Variants in DOCK8 observed in about 807,000 individuals in gnomAD.
DOCK8 encodes dedicator of cytokinesis 8.
DOCK8 carries 141 observed loss-of-function variants against 245.6 expected under a neutral mutation model. The observed-to-expected ratio is 0.57, with a 90% CI of 0.50 to 0.66. DOCK8 has a LOEUF of 0.66. Among genes scored for constraint, DOCK8 ranks in the 30% least tolerant of loss-of-function variants. The pLI is 0.00. For missense variants in DOCK8, 2,965 were observed against 2,603.4 expected (o/e 1.14, Z -3.02); for synonymous variants, 1,168 against 970.2 (o/e 1.20, Z -3.79).
At chr9:214,854 C>G, upstream of DOCK8, 2 of 1,602,508 alleles carry the variant, frequency 1.2e-6, no homozygotes, top group Non-Finnish European at 1.7e-6. Flanking sequence ...CGGAAGTTTC[C>G]AGCGCCGACC....
rs1413860495 is a variant in DOCK8, at chr9:312,221, G to T, written c.741+55G>T. On this transcript the variant is annotated intron_variant, in intron 6 of 47. Coordinates refer to ENST00000432829, the MANE Select transcript of DOCK8 (RefSeq NM_203447.4). The stretch of plus-strand genomic sequence containing the variant: ...TCTCAGTGAAGACTCTGAGAGTCAT[G>T]TGGACAATTGTGTTGTTCATTATTA... 2.5e-6 allele frequency: 4 copies of T among 1,578,984 alleles called. No homozygotes were observed. The Admixed American group carries it at 5.2e-5, about 21-fold the overall frequency.
intron 36 of DOCK8, among the ~76,000 whole-genome samples, chr9:430,181 C>A (rs2056657520): frequency 6.6e-6 from 1 of 152,122 alleles, no homozygotes; most frequent in South Asian, 2.1e-4. Flanking sequence ...TCAAGACTAG[C>A]CTGGCCAGCA....
At chr9:234,605 C>G (rs1412635187) in intron 1 of DOCK8, among the ~76,000 whole-genome samples, 3 of 152,130 alleles carry the variant, frequency 2.0e-5, no homozygotes, top group African/African-American at 4.8e-5. Flanking sequence ...GCTTTTTATT[C>G]TTTTTTCTGT....
intron 28 of DOCK8, among the ~76,000 whole-genome samples, chr9:413,247 A>G (rs1222927420): frequency 6.6e-6 from 1 of 152,218 alleles, no homozygotes; most frequent in Non-Finnish European, 1.5e-5. Context: ...CACTGTATAC[A>G]AAAACTAACT....
intron 39 of DOCK8, 113 bp downstream of exon 39, chr9:435,088 T>C: frequency 7.9e-7 from 1 of 1,259,186 alleles, no homozygotes; most frequent in East Asian, 2.5e-5. Context: ...TTATCACAAC[T>C]GGGATGGGTG....
At chr9:234,919 G>C (rs2047210268) in intron 1 of DOCK8, among the ~76,000 whole-genome samples, 1 of 152,130 alleles carries the variant, frequency 6.6e-6, no homozygotes, top group Non-Finnish European at 1.5e-5. Context: ...TCTCCATCCA[G>C]CTTTGTTCCA....
intron 30 of DOCK8, among the ~76,000 whole-genome samples, chr9:419,234 T>C (rs2056172756): frequency 6.6e-6 from 1 of 152,262 alleles, no homozygotes; most frequent in African/African-American, 2.4e-5. Flanking sequence ...TCTTGCTGGA[T>C]GACTTTCTTG....
At chr9:283,931 G>A (rs2048703031) in intron 2 of DOCK8, among the ~76,000 whole-genome samples, 1 of 152,132 alleles carries the variant, frequency 6.6e-6, no homozygotes, top group Non-Finnish European at 1.5e-5. Flanking sequence ...AACACCAATT[G>A]AACTCAATTT....
At chr9:214,767 C>A (rs752811694), upstream of DOCK8, 4 of 1,537,446 alleles carry the variant, frequency 2.6e-6, no homozygotes, top group East Asian at 7.8e-5. Context: ...CGCGCCAGGC[C>A]GGGTGGCGGA....
chr9:373,974 G>T (rs924371216), intron 18 of DOCK8, among the ~76,000 whole-genome samples: 2 of 152,154 alleles, frequency 1.3e-5, no homozygotes, highest in African/African-American at 4.8e-5. Context: ...AGACAAATCT[G>T]TGTCCAAAGT....
upstream of DOCK8, chr9:213,895 T>C (rs1274714497): frequency 6.6e-6 from 1 of 151,696 alleles, no homozygotes; most frequent in African/African-American, 2.4e-5. Context: ...GCCCGGCTAA[T>C]TTTTTGTATT....
chr9:231,100 A>C (rs959543341), intron 1 of DOCK8, among the ~76,000 whole-genome samples: 2 of 152,202 alleles, frequency 1.3e-5, no homozygotes, highest in East Asian at 3.8e-4. Context: ...GAAGGGATCC[A>C]GTTTCAGCTT....
intron 18 of DOCK8, among the ~76,000 whole-genome samples, chr9:375,329 ACTGT>A (rs1419555934): frequency 1.3e-5 from 2 of 152,214 alleles, no homozygotes; most frequent in Admixed American, 1.3e-4. Context: ...AAGGCAAGAA[ACTGT>A]CTGTAAGACC....
intron 12 of DOCK8, 117 bp downstream of exon 12, chr9:336,835 T>C (rs1208779989): frequency 2.4e-6 from 3 of 1,231,332 alleles, no homozygotes; most frequent in South Asian, 1.2e-5. Flanking sequence ...CTCACTCTCT[T>C]AGTTCATTTT....
At chr9:228,422 C>T (rs539210428) in intron 1 of DOCK8, among the ~76,000 whole-genome samples, 120 of 152,260 alleles carry the variant, frequency 7.9e-4, no homozygotes, top group African/African-American at 2.8e-3. Context: ...CACTGACATA[C>T]TACCTTTCAG....
At chr9:350,691 C>A (rs1053665906) in intron 14 of DOCK8, among the ~76,000 whole-genome samples, 1 of 152,120 alleles carries the variant, frequency 6.6e-6, no homozygotes, top group Non-Finnish European at 1.5e-5. Flanking sequence ...CCTCACTTTG[C>A]GGATAAGCAG....
At position 368,099 on chromosome 9, in the gene DOCK8, G is replaced by T. The variant is rs1219614727; in HGVS notation, c.1761G>T (p.Gln587His). The change falls in exon 15 of 48, where the codon CAG becomes CAT. Residue 587 changes from glutamine to histidine, a missense_variant. Gln to His is a conservative substitution (Grantham distance 24). Coordinates refer to ENST00000432829, the MANE Select transcript of DOCK8 (RefSeq NM_203447.4). ...CCCGGAACATTACAATAAAGATCCA[G>T]TTTATGTGTGGAGAAGATGCTAGCA... is the stretch of plus-strand genomic sequence containing the variant. The part of the protein sequence containing the change: ...ASARNITIKI[Q>H]FMCGEDASNA... 1 of 1,614,080 alleles carries T rather than the reference G, an allele frequency of 6.2e-7. No individual in the cohort carries two copies. The highest frequency in any genetic ancestry group is 8.5e-7 in the Non-Finnish European group (1 of 1,180,030).
At chr9:461,706 T>G (rs2057811686) in intron 46 of DOCK8, among the ~76,000 whole-genome samples, 1 of 151,800 alleles carries the variant, frequency 6.6e-6, no homozygotes, top group South Asian at 2.1e-4. Context: ...CATACCCAGC[T>G]AATTTTTATA....
chr9:385,485 A>T (rs911358258), intron 22 of DOCK8, among the ~76,000 whole-genome samples: 1 of 152,216 alleles, frequency 6.6e-6, no homozygotes, highest in Non-Finnish European at 1.5e-5. Context: ...CTTCCTAATA[A>T]TTTCACTATA....
Sources: allele counts gnomAD v4.1 joint callset (sites outside exome capture counted in the v4.1 genomes callset), GRCh38; gene constraint gnomAD v4.1.1; transcripts MANE v1.5; gene names NCBI Gene and HGNC (gene_info 2026-07-23, HGNC 2026-07-21).